Variants in TOE1 observed in about 807,000 individuals in gnomAD.
The protein encoded by TOE1 is target of EGR1, exonuclease, also known as target of EGR1 protein 1.
In TOE1, 50 loss-of-function variants were observed where a neutral mutation model predicts 49.2. That is an observed-to-expected ratio of 1.02 (90% CI 0.81 to 1.29). TOE1 has a LOEUF of 1.29. TOE1 is among the 50% of genes most tolerant of loss of function. The pLI is 0.00. For missense variants in TOE1, 544 were observed against 654.4 expected (o/e 0.83, Z 1.84); for synonymous variants, 221 against 247.0 (o/e 0.89, Z 0.99).
In TOE1 at chr1:45,343,860, G is replaced by A; in HGVS notation, c.*158G>A. On this transcript the variant is annotated 3_prime_UTR_variant, in exon 8 of 8. Coordinates refer to ENST00000372090, the MANE Select transcript of TOE1 (RefSeq NM_025077.4). The surrounding 1 kb of genome is among the most constrained non-coding windows in gnomAD (Gnocchi z 4.3). ...CGCCTCCTTTATCCCAGTGTTTGAG[G>A]TACAAGTAAGAAGGCTGACCAGCAC... is the stretch of plus-strand genomic sequence containing the variant. 1.3e-6 allele frequency: 1 copy of A among 787,788 alleles called. No homozygotes were observed. Among genetic ancestry groups the A allele is most frequent in the Non-Finnish European group, 2.0e-6 (1 of 503,562 alleles). The allele number at this position is 787,788 out of a possible 1,614,324, so 48.8% of individuals were successfully genotyped here.
chr1:45,343,297 G>C lies in TOE1; in HGVS notation c.1128G>C (p.Lys376Asn). The change falls in exon 8 of 8, where the codon AAG becomes AAC. Residue 376 changes from lysine (K) to asparagine (N), a missense_variant. Lys to Asn is a moderately conservative substitution (Grantham distance 94). Coordinates refer to ENST00000372090, the MANE Select transcript of TOE1 (RefSeq NM_025077.4). This position sits in a 1 kb window ranked among gnomAD's most constrained non-coding sequence, Gnocchi z 4.3. ...AGCAGGTCTGTGGGGATAGCATCAA[G>C]CCTGAAGAAACCGAGCAGGAGGTGG... is the stretch of plus-strand genomic sequence containing the variant. ...PKKQVCGDSI[K>N]PEETEQEVAA... 1 of 1,614,112 alleles carries C rather than the reference G, an allele frequency of 6.2e-7. No homozygotes were observed. Among genetic ancestry groups the C allele is most frequent in the South Asian group, 1.1e-5 (1 of 91,082 alleles).
rs1064795596 is a variant in TOE1 at position 45,340,220 on chromosome 1, C to G, written c.-33C>G. 6.2e-7 allele frequency: 1 copy of G among 1,613,844 alleles called. No individual in the cohort carries two copies. The highest frequency in any genetic ancestry group is 1.1e-5 in the South Asian group (1 of 91,078). On this transcript the variant is annotated 5_prime_UTR_variant, in exon 1 of 8. Coordinates refer to ENST00000372090, the MANE Select transcript of TOE1 (RefSeq NM_025077.4). ...AGACGGACCGCAAGTCCAGCGTACC[C>G]ACAGACGACTCAGGCGGGAGACGAG...
At chr1:45,341,002 G>C in intron 1 of TOE1, 71 bp from the exon 2 acceptor site, 2 of 1,602,478 alleles carry the variant, frequency 1.2e-6, no homozygotes, top group Middle Eastern at 1.8e-4. Context: ...CATCACCGTG[G>C]CCTAGCTTGG....
chr1:45,341,328 A>G lies in TOE1; in HGVS notation c.221A>G (p.Lys74Arg), dbSNP rs1276381737. ...GAGCTGAGTGGGCTTGGGGACAGGA[A>G]GAGTTTGCTGAACCAGTAAGTATAA... ...DTELSGLGDRKSLLNQCIEER... is the reference protein window; with the variant it reads ...DTELSGLGDRRSLLNQCIEER... Residue 74 changes from lysine to arginine, a missense_variant, in exon 3 of 8, where the codon AAG (lysine) becomes AGG (arginine). Lys to Arg is a conservative substitution (Grantham distance 26). Transcript: ENST00000372090. 1.2e-6 allele frequency: 2 copies of G among 1,614,184 alleles called. No homozygotes were observed. The highest frequency in any genetic ancestry group is 1.7e-6 in the Non-Finnish European group (2 of 1,180,032).
At chr1:45,341,717 G>A (rs988737738) in intron 4 of TOE1, 148 bp downstream of exon 4, 42 of 838,806 alleles carry the variant, frequency 5.0e-5, no homozygotes, top group African/African-American at 1.0e-4. Context: ...TAGGTTTATG[G>A]GGAACAGGTG....
chr1:45,343,315 G>T lies in TOE1; in HGVS notation c.1146G>T (p.Gln382His). The T allele has an allele frequency of 6.2e-7, 1 of 1,614,082 alleles. No individual in the cohort carries two copies. The change falls in exon 8 of 8, where the codon CAG becomes CAT. Residue 382 changes from glutamine (Q) to histidine (H), a missense_variant. Gln to His is a conservative substitution (Grantham distance 24). Coordinates refer to ENST00000372090, the MANE Select transcript of TOE1 (RefSeq NM_025077.4). This position sits in a 1 kb window ranked among gnomAD's most constrained non-coding sequence, Gnocchi z 4.3. ...GCATCAAGCCTGAAGAAACCGAGCA[G>T]GAGGTGGCTGCCGATGAAACTAGGA... The part of the protein sequence containing the change: ...GDSIKPEETE[Q>H]EVAADETRNL...
Position 45,343,100 on chromosome 1 carries a change from CT to C in TOE1, c.932del (p.Leu311ArgfsTer40). ...DNFSAYGWCPLGPQCPQSHDI... is the reference protein window; with the variant it reads ...DNFSAYGWCPXGPQCPQSHDI... ...CCCCTAGGCTTATGGCTGGTGCCCC[CT>C]GGGACCACAGTGTCCTCAGTCTCAC... On this transcript the variant is annotated frameshift_variant, in exon 8 of 8. Coordinates refer to ENST00000372090, the MANE Select transcript of TOE1 (RefSeq NM_025077.4). LOFTEE classifies it high-confidence loss of function. The surrounding 1 kb of genome is among the most constrained non-coding windows in gnomAD (Gnocchi z 4.3). 1 of 1,613,746 alleles carries C rather than the reference CT, an allele frequency of 6.2e-7. No homozygotes were observed. Among genetic ancestry groups the C allele is most frequent in the Non-Finnish European group, 8.5e-7 (1 of 1,179,778 alleles).
Position 45,342,966 on chromosome 1 carries a change from CCGT to C in TOE1, c.878_880del (p.Arg293del), listed in dbSNP as rs757581835. 43 of 1,613,876 alleles carry C rather than the reference CCGT, an allele frequency of 2.7e-5. No homozygotes were observed. In the African/African-American group the frequency reaches 5.5e-4, roughly 21 times the overall value. On this transcript the variant is annotated inframe_deletion, in exon 7 of 8. Transcript: ENST00000372090. ...GCTGCTGCCTGCCCCCAGCAACCCACCGTCCTCATCCCACCAGCATCTGTGACA... is the reference window on the plus strand; with the variant it reads ...GCTGCTGCCTGCCCCCAGCAACCCACCCTCATCCCACCAGCATCTGTGACA...
chr1:45,341,851 C>T (rs766893502), intron 4 of TOE1, 98 bp from the exon 5 acceptor site: 3 of 1,327,978 alleles, frequency 2.3e-6, no homozygotes, highest in Non-Finnish European at 3.2e-6. Flanking sequence ...TCCTTTCCCC[C>T]CTGAGTCCCC....
intron 1 of TOE1, 81 bp downstream of exon 1, chr1:45,340,385 C>A (rs922331678): frequency 7.7e-6 from 12 of 1,550,444 alleles, no homozygotes; most frequent in African/African-American, 1.4e-5. Flanking sequence ...GTTCTAGAGG[C>A]TCCTCAAGCT....
chr1:45,341,278 CA>C, intron 2 of TOE1, 24 bp from the exon 3 acceptor site: 1 of 1,614,206 alleles, frequency 6.2e-7, no homozygotes, highest in Non-Finnish European at 8.5e-7. Context: ...AGGCCTGTCA[CA>C]ACTCTCCCTT....
At position 45,343,470 on chromosome 1, in the gene TOE1, G is replaced by A; in HGVS notation, c.1301G>A (p.Gly434Glu). 6.2e-7 allele frequency: 1 copy of A among 1,614,168 alleles called. No individual in the cohort carries two copies. The highest frequency in any genetic ancestry group is 1.7e-5 in the Admixed American group (1 of 60,016). Residue 434 changes from glycine (G) to glutamate (E), a missense_variant, in exon 8 of 8, where the codon GGG (glycine) becomes GAG (glutamate). Gly to Glu is a moderately conservative substitution (Grantham distance 98). Transcript: ENST00000372090. The surrounding 1 kb of genome is among the most constrained non-coding windows in gnomAD (Gnocchi z 4.3). ...GSQASPNPVP[G>E]DGLHRAGFDA... The stretch of plus-strand genomic sequence containing the variant: ...CAAGCCAGTCCTAACCCAGTGCCTG[G>A]GGATGGATTGCACCGGGCTGGTTTT...
At chr1:45,341,897 T>C in intron 4 of TOE1, 52 bp from the exon 5 acceptor site, 1 of 1,591,110 alleles carries the variant, frequency 6.3e-7, no homozygotes, top group Non-Finnish European at 8.6e-7. Flanking sequence ...TTTTGCATCC[T>C]CCTAGCTTGG....
chr1:45,342,230 G>T, intron 5 of TOE1, 123 bp downstream of exon 5: 2 of 1,501,784 alleles, frequency 1.3e-6, no homozygotes, highest in Non-Finnish European at 1.8e-6. Flanking sequence ...CTAGTGACAG[G>T]GCTTGGGAAA....
At position 45,340,213 on chromosome 1, in the gene TOE1, G is replaced by C. The variant is rs1553136962; in HGVS notation, c.-40G>C. 8 of 1,613,816 alleles carry C rather than the reference G, an allele frequency of 5.0e-6. No homozygotes were observed. Among genetic ancestry groups the C allele is most frequent in the East Asian group, 2.2e-5 (1 of 44,888 alleles). ...CGCCAGGAGACGGACCGCAAGTCCAGCGTACCCACAGACGACTCAGGCGGG... is the reference window on the plus strand; with the variant it reads ...CGCCAGGAGACGGACCGCAAGTCCACCGTACCCACAGACGACTCAGGCGGG... On this transcript the variant is annotated 5_prime_UTR_variant, in exon 1 of 8. Coordinates refer to ENST00000372090, the MANE Select transcript of TOE1 (RefSeq NM_025077.4).
At chr1:45,340,613 G>T in intron 1 of TOE1, 1 of 1,317,950 alleles carries the variant, frequency 7.6e-7, no homozygotes. Flanking sequence ...AAGGTAGGAC[G>T]TATTGGGAGC....
rs1279979607 is a variant in TOE1, at chr1:45,343,289, A to G, written c.1120A>G (p.Ser374Gly). ...TCCCAAGAAGCAGGTCTGTGGGGATAGCATCAAGCCTGAAGAAACCGAGCA... is the reference window on the plus strand; with the variant it reads ...TCCCAAGAAGCAGGTCTGTGGGGATGGCATCAAGCCTGAAGAAACCGAGCA... ...GPPKKQVCGD[S>G]IKPEETEQEV... is the part of the protein sequence containing the mutation. Residue 374 changes from serine to glycine, a missense_variant, in exon 8 of 8, where the codon AGC (serine) becomes GGC (glycine). Physicochemically the swap from Ser to Gly is moderately conservative, Grantham distance 56. Transcript: ENST00000372090. This position sits in a 1 kb window ranked among gnomAD's most constrained non-coding sequence, Gnocchi z 4.3. The G allele has an allele frequency of 1.2e-6, 2 of 1,614,158 alleles. No homozygotes were observed. The highest frequency in any genetic ancestry group is 2.2e-5 in the East Asian group (1 of 44,866).
At chr1:45,342,692 T>G in intron 6 of TOE1, 49 bp downstream of exon 6, 7 of 1,605,978 alleles carry the variant, frequency 4.4e-6, no homozygotes, top group Non-Finnish European at 6.0e-6. Flanking sequence ...CGAGTTTATT[T>G]CATTCACTTA....
In TOE1 at chr1:45,341,477, A is replaced by T. The variant is rs569937484; in HGVS notation, c.241A>T (p.Ile81Phe). The T allele has an allele frequency of 1.2e-6, 2 of 1,614,048 alleles. No individual in the cohort carries two copies. Among genetic ancestry groups the T allele is most frequent in the South Asian group, 1.1e-5 (1 of 91,068 alleles). ...ACCCCCATACCCAACCCCAAGGTGC[A>T]TTGAGGAACGTTACAAGGCCGTGTG... ...GDRKSLLNQC[I>F]EERYKAVCHA... The change falls in exon 4 of 8, where the codon ATT becomes TTT. Residue 81 changes from isoleucine to phenylalanine, a missense_variant. Physicochemically the swap from Ile to Phe is conservative, Grantham distance 21. Coordinates refer to ENST00000372090, the MANE Select transcript of TOE1 (RefSeq NM_025077.4).
Sources: gnomAD v4.1 joint callset for allele counts on GRCh38, gnomAD v4.1.1 for gene constraint, Gnocchi (gnomAD v3.1) non-coding constraint, MANE v1.5 for transcripts, NCBI Gene and HGNC (gene_info 2026-07-23, HGNC 2026-07-21) for gene names.